The following ASCC3 variants were observed in gnomAD, a reference collection of about 807,000 sequenced individuals.
ASCC3 encodes ASC-1 complex subunit P200.
A neutral mutation model predicts 256.3 loss-of-function variants in ASCC3; 158 were observed. The observed-to-expected ratio is 0.62, with a 90% confidence interval of 0.54 to 0.70. ASCC3 has a LOEUF of 0.70. Among genes scored for constraint, ASCC3 ranks in the 30% least tolerant of loss-of-function variants. The pLI is 0.00. For synonymous variants in ASCC3, 948 were observed against 883.4 expected (o/e 1.07, Z -1.30); for missense variants, 2,259 against 2,626.0 (o/e 0.86, Z 3.05).
At position 100,581,616 on chromosome 6, in the gene ASCC3, T is replaced by G. The variant is rs1334147116; in HGVS notation, c.5550+8018A>C. ...GATCCCATTTGTCAATTTTGTCTTT[T>G]GTTGCCATTGCTTTTGGTGTTTTGG... is the stretch of plus-strand genomic sequence containing the variant. On this transcript the variant is annotated intron_variant, in intron 36 of 41. Transcript: ENST00000369162. 1.0e-3 allele frequency among the ~76,000 whole-genome samples: 157 copies of G among 152,128 alleles called. 1 individual carries two copies. The highest frequency in any genetic ancestry group is 3.4e-3 in the Middle Eastern group (1 of 294).
chr6:100,758,058 C>T (rs1781264980), intron 10 of ASCC3, among the ~76,000 whole-genome samples: 2 of 152,050 alleles, frequency 1.3e-5, no homozygotes, highest in African/African-American at 4.8e-5. Flanking sequence ...GCTACCATCC[C>T]ACCCAGGAGA....
intron 4 of ASCC3, among the ~76,000 whole-genome samples, chr6:100,824,712 T>C (rs982320012): frequency 6.6e-6 from 1 of 152,084 alleles, no homozygotes; most frequent in African/African-American, 2.4e-5. Flanking sequence ...ATTAATATGG[T>C]ACATGATAAT....
chr6:100,697,722 C>G (rs1419291974), intron 13 of ASCC3, among the ~76,000 whole-genome samples: 1 of 151,930 alleles, frequency 6.6e-6, no homozygotes, highest in Non-Finnish European at 1.5e-5. Context: ...CAATTCCCAT[C>G]AATATGACAA....
chr6:100,570,951 T>C (rs1770555067), intron 36 of ASCC3, among the ~76,000 whole-genome samples: 2 of 152,142 alleles, frequency 1.3e-5, no homozygotes, highest in Admixed American at 1.3e-4. Context: ...CAAGCCACCA[T>C]CTTCTCTCAT....
chr6:100,755,457 C>CT (rs1346312769), intron 10 of ASCC3, among the ~76,000 whole-genome samples: 2 of 151,820 alleles, frequency 1.3e-5, no homozygotes, highest in Non-Finnish European at 2.9e-5. Flanking sequence ...ACCCCAACCT[C>CT]TAGGGCTCAA....
chr6:100,802,324 A>C (rs1044711586), intron 5 of ASCC3, among the ~76,000 whole-genome samples: 4 of 152,060 alleles, frequency 2.6e-5, no homozygotes, highest in African/African-American at 9.7e-5. Context: ...CGGTCGTTTA[A>C]AAGTGTGTAG....
intron 37 of ASCC3, chr6:100,530,531 T>C: frequency 1.3e-6 from 1 of 784,070 alleles, no homozygotes. Flanking sequence ...GAATAGATGG[T>C]ATATAGCAGT....
intron 17 of ASCC3, among the ~76,000 whole-genome samples, chr6:100,655,333 T>A (rs541635668): frequency 1.6e-4 from 24 of 152,020 alleles, no homozygotes; most frequent in African/African-American, 5.3e-4. Flanking sequence ...GAACAGATTG[T>A]ATATAACCTA....
At chr6:100,715,160 TTATTATATA>T in intron 13 of ASCC3, 1 of 202,664 alleles carries the variant, frequency 4.9e-6, no homozygotes, top group South Asian at 1.2e-4. Flanking sequence ...ATACAGAACT[TTATTATATA>T]TATTACATTT....
chr6:100,695,300 G>C (rs968803636), intron 13 of ASCC3, among the ~76,000 whole-genome samples: 3 of 151,992 alleles, frequency 2.0e-5, no homozygotes, highest in Non-Finnish European at 2.9e-5. Context: ...TCTTGGACAG[G>C]GATCTTGAAC....
Position 100,508,975 on chromosome 6 carries a change from G to C in ASCC3, c.*411C>G. 1 of 224,060 alleles carries C rather than the reference G, an allele frequency of 4.5e-6. No individual in the cohort carries two copies. The highest frequency in any genetic ancestry group is 8.9e-6 in the Non-Finnish European group (1 of 112,018). The allele number at this position is 224,060 out of a possible 1,614,324, so 13.9% of individuals were successfully genotyped here. A position where few individuals can be genotyped will look rare whatever the true frequency, so the allele number is the denominator to read the frequency against. On this transcript the variant is annotated 3_prime_UTR_variant, in exon 42 of 42. Coordinates refer to ENST00000369162, the MANE Select transcript of ASCC3 (RefSeq NM_006828.4). ...TTACAGATTTATAGTTTATGCGGCA[G>C]AGTTAGAAATCTGTGACAAGTCCTA...
intron 3 of ASCC3, among the ~76,000 whole-genome samples, chr6:100,860,071 C>T (rs1773147954): frequency 6.6e-6 from 1 of 151,948 alleles, no homozygotes; most frequent in African/African-American, 2.4e-5. Context: ...ATCTTACTGG[C>T]CTCATGAAAT....
At chr6:100,767,682 C>T (rs1781724844) in intron 8 of ASCC3, among the ~76,000 whole-genome samples, 1 of 151,972 alleles carries the variant, frequency 6.6e-6, no homozygotes, top group Admixed American at 6.6e-5. Flanking sequence ...GATCTCGGCT[C>T]ACTGCAAGCT....
chr6:100,541,234 T>C (rs1304927591), intron 36 of ASCC3, among the ~76,000 whole-genome samples: 1 of 151,364 alleles, frequency 6.6e-6, no homozygotes, highest in Non-Finnish European at 1.5e-5. Flanking sequence ...GATATGTTAA[T>C]ATTCAAACAG....
chr6:100,701,147 C>A (rs1255913146), intron 13 of ASCC3, among the ~76,000 whole-genome samples: 2 of 152,066 alleles, frequency 1.3e-5, no homozygotes, highest in East Asian at 3.9e-4. Context: ...GCATTCAACT[C>A]CTAAACCAGA....
intron 30 of ASCC3, 55 bp from the exon 31 acceptor site, chr6:100,607,143 T>A: frequency 6.4e-7 from 1 of 1,554,110 alleles, no homozygotes; most frequent in Non-Finnish European, 8.9e-7. Context: ...AAATTTTCAT[T>A]AATTTTTCAT....
Position 100,582,756 on chromosome 6 carries a change from G to A in ASCC3, c.5550+6878C>T, listed in dbSNP as rs573971704. ...GATAGCTCTTATTATTTTGAGATAT[G>A]CCCCATCAATACCTAATTTATTGAG... On this transcript the variant is annotated intron_variant, in intron 36 of 41. Transcript: ENST00000369162. Among the ~76,000 whole-genome samples the A allele has an allele frequency of 8.6e-3, 1,301 of 152,116 alleles. 18 individuals are homozygous for A. Among genetic ancestry groups the A allele is most frequent in the Non-Finnish European group, 0.011 (732 of 68,012 alleles).
At chr6:100,689,113 C>T (rs776901099) in intron 13 of ASCC3, among the ~76,000 whole-genome samples, 4 of 152,124 alleles carry the variant, frequency 2.6e-5, no homozygotes, top group Non-Finnish European at 4.4e-5. Context: ...TATAAACCTA[C>T]AAAGCCCAGT....
intron 30 of ASCC3, among the ~76,000 whole-genome samples, chr6:100,611,542 T>C (rs1327411474): frequency 6.6e-6 from 1 of 152,012 alleles, no homozygotes; most frequent in Admixed American, 6.6e-5. Context: ...TGCCAGGCAT[T>C]GTGTTTATCA....
Sources: allele counts gnomAD v4.1 joint callset (sites outside exome capture counted in the v4.1 genomes callset), GRCh38; gene constraint gnomAD v4.1.1; transcripts MANE v1.5; gene names NCBI Gene and HGNC (gene_info 2026-07-23, HGNC 2026-07-21).